Variants in SLC24A2 observed in about 807,000 individuals in gnomAD.
SLC24A2 encodes the protein sodium/potassium/calcium exchanger 2.
A neutral mutation model predicts 62.0 loss-of-function variants in SLC24A2; 36 were observed. The ratio of observed to expected loss-of-function variants is 0.58; its 90% CI spans 0.44 to 0.77. SLC24A2 has a LOEUF of 0.77. SLC24A2 is among the 30% of genes least tolerant of loss of function. SLC24A2 has a pLI of 0.00. For synonymous variants in SLC24A2, 358 were observed against 294.0 expected, an observed-to-expected ratio of 1.22 and a Z score of -2.23; for missense variants, 846 against 817.9, an observed-to-expected ratio of 1.03 and a Z score of -0.42.
At chr9:20,013,221 C>G in the SLC24A2 span, among the ~76,000 whole-genome samples, 1 of 125,632 alleles carries the variant, frequency 8.0e-6, no homozygotes, top group Non-Finnish European at 1.9e-5. Context: ...ACCAATGAAA[C>G]AGGACTTAAA....
chr9:19,713,612 AAG>A (rs1820777931), intron 2 of SLC24A2, among the ~76,000 whole-genome samples: 1 of 76,614 alleles, frequency 1.3e-5, no homozygotes, highest in Admixed American at 1.9e-4. Flanking sequence ...TGATAATGAG[AAG>A]AAGTCCTGAT....
the SLC24A2 span, among the ~76,000 whole-genome samples, chr9:19,851,319 C>G: frequency 1.3e-5 from 2 of 151,730 alleles, no homozygotes; most frequent in Non-Finnish European, 2.9e-5. Flanking sequence ...GCTACTGCGC[C>G]TGGCCCAGCA....
At chr9:19,964,633 C>G in the SLC24A2 span, among the ~76,000 whole-genome samples, 1 of 152,174 alleles carries the variant, frequency 6.6e-6, no homozygotes, top group Non-Finnish European at 1.5e-5. Context: ...ACTGCCTTCC[C>G]CAGAATTCCC....
the SLC24A2 span, among the ~76,000 whole-genome samples, chr9:19,970,619 T>A: frequency 1.3e-5 from 2 of 152,192 alleles, no homozygotes; most frequent in African/African-American, 4.8e-5. Flanking sequence ...AGTTCATTTG[T>A]TGAGAATACA....
chr9:19,635,077 C>T (rs1338444206), intron 2 of SLC24A2, among the ~76,000 whole-genome samples: 1 of 152,158 alleles, frequency 6.6e-6, no homozygotes, highest in African/African-American at 2.4e-5. Context: ...AAATTGTGCA[C>T]TACTGAAAAC....
the SLC24A2 span, among the ~76,000 whole-genome samples, chr9:20,263,558 T>A: frequency 1.3e-5 from 2 of 152,110 alleles, no homozygotes; most frequent in African/African-American, 4.8e-5. Context: ...CAGAGAAGGA[T>A]TCTTCACATG....
At chr9:20,071,683 G>T in the SLC24A2 span, among the ~76,000 whole-genome samples, 1 of 152,088 alleles carries the variant, frequency 6.6e-6, no homozygotes, top group African/African-American at 2.4e-5. Context: ...GGGGAAAACT[G>T]GGTGGTCTTG....
the SLC24A2 span, among the ~76,000 whole-genome samples, chr9:20,248,933 C>G: frequency 6.6e-6 from 1 of 152,174 alleles, no homozygotes; most frequent in Non-Finnish European, 1.5e-5. Flanking sequence ...GTCCTGGTCT[C>G]CCTTTCTCCC....
the SLC24A2 span, among the ~76,000 whole-genome samples, chr9:19,798,012 G>C: frequency 6.6e-6 from 1 of 152,080 alleles, no homozygotes; most frequent in Non-Finnish European, 1.5e-5. Flanking sequence ...TTATCTTACA[G>C]TTCTTTAGGT....
chr9:19,825,190 G>T, the SLC24A2 span, among the ~76,000 whole-genome samples: 1 of 152,188 alleles, frequency 6.6e-6, no homozygotes, highest in East Asian at 1.9e-4. Flanking sequence ...TAAAATTTCA[G>T]AAAAAGTTAA....
rs1823161447 is a variant in SLC24A2 at position 19,786,078 on chromosome 9, C to G, written c.789G>C (p.Trp263Cys). The G allele has an allele frequency of 6.2e-7, 1 of 1,614,084 alleles. No homozygotes were observed. The highest frequency in any genetic ancestry group is 8.5e-7 in the Non-Finnish European group (1 of 1,180,048). The change falls in exon 2 of 11, where the codon TGG becomes TGC. Residue 263 changes from tryptophan to cysteine, a missense_variant. Coordinates refer to ENST00000341998, the MANE Select transcript of SLC24A2 (RefSeq NM_020344.4). This position sits in a 1 kb window ranked among gnomAD's most constrained non-coding sequence, Gnocchi z 5.0. ...CTGTTAAGAGAAGCAAGCTTTCCCA[C>G]CACATGATGACATTATCCAGGAAAA... ...IIFFLDNVIM[W>C]WESLLLLTAY...
chr9:19,910,596 A>G, the SLC24A2 span, among the ~76,000 whole-genome samples: 1 of 152,216 alleles, frequency 6.6e-6, no homozygotes, highest in South Asian at 2.1e-4. Flanking sequence ...CTCTACTTGC[A>G]GGTCTCCACA....
chr9:19,936,145 A>T, the SLC24A2 span, among the ~76,000 whole-genome samples: 1 of 152,036 alleles, frequency 6.6e-6, no homozygotes, highest in African/African-American at 2.4e-5. Flanking sequence ...GTGATACCAG[A>T]GGCCTACTTA....
the SLC24A2 span, among the ~76,000 whole-genome samples, chr9:20,144,609 G>T: frequency 2.0e-5 from 3 of 152,158 alleles, no homozygotes; most frequent in African/African-American, 7.2e-5. Context: ...AGGAGGAGAT[G>T]GATGGCAGAG....
the SLC24A2 span, among the ~76,000 whole-genome samples, chr9:20,161,817 T>C: frequency 4.2e-4 from 64 of 151,264 alleles, no homozygotes; most frequent in Non-Finnish European, 7.5e-4. Context: ...TCTATGTATC[T>C]ACATATATAT....
the SLC24A2 span, among the ~76,000 whole-genome samples, chr9:19,874,060 T>TTTTTCTTTTC: frequency 6.2e-5 from 9 of 145,524 alleles, no homozygotes; most frequent in Admixed American, 7.0e-5. Context: ...GATATTGTTC[T>TTTTTCTTTTC]TTTTCTTTTC....
In SLC24A2 at chr9:19,573,394, T is replaced by C. The variant is rs1400214825; in HGVS notation, c.1304A>G (p.Gln435Arg). 6.2e-7 allele frequency: 1 copy of C among 1,613,888 alleles called. No homozygotes were observed. Among genetic ancestry groups the C allele is most frequent in the Non-Finnish European group, 8.5e-7 (1 of 1,179,848 alleles). The change falls in exon 7 of 11, where the codon CAA becomes CGA. Residue 435 changes from glutamine (Q) to arginine (R), a missense_variant. Transcript: ENST00000341998. The stretch of plus-strand genomic sequence containing the variant: ...AATGTTGTGGGAGAGATTTCCATTT[T>C]GTACAGGTTCTGAAGCATCACTGGA... ...TPSSDASEPVQNGNLSHNIEG... is the reference protein window; with the variant it reads ...TPSSDASEPVRNGNLSHNIEG...
At chr9:20,017,869 C>G in the SLC24A2 span, among the ~76,000 whole-genome samples, 1 of 152,234 alleles carries the variant, frequency 6.6e-6, no homozygotes, top group South Asian at 2.1e-4. Flanking sequence ...GAGGGTGGGT[C>G]TGCCTCTCCC....
At chr9:20,288,506 T>C in the SLC24A2 span, among the ~76,000 whole-genome samples, 2 of 152,114 alleles carry the variant, frequency 1.3e-5, no homozygotes. Flanking sequence ...CGGTGACTCA[T>C]GCCTGTAATC....
Sources: allele counts gnomAD v4.1 joint callset (sites outside exome capture counted in the v4.1 genomes callset), GRCh38; gene constraint gnomAD v4.1.1; non-coding constraint Gnocchi (gnomAD v3.1); transcripts MANE v1.5; gene names NCBI Gene and HGNC (gene_info 2026-07-23, HGNC 2026-07-21).